Variants in SUZ12 observed in about 807,000 individuals in gnomAD.
SUZ12 encodes the protein polycomb protein SUZ12.
SUZ12 carries 17 observed loss-of-function variants against 87.3 expected under a neutral mutation model. The observed-to-expected ratio is 0.19, with a 90% CI of 0.13 to 0.29. SUZ12 has a LOEUF of 0.29. SUZ12 is among the 10% of genes least tolerant of loss of function. The pLI, the probability that SUZ12 is intolerant of heterozygous loss-of-function variation, is 1.00. For missense variants in SUZ12, 526 were observed against 912.2 expected, an observed-to-expected ratio of 0.58 and a Z score of 5.45; for synonymous variants, 253 against 312.4, an observed-to-expected ratio of 0.81 and a Z score of 2.01.
chr17:31,958,202 CCTTTTGTA>C (rs1390016079), intron 4 of SUZ12, among the ~76,000 whole-genome samples: 2 of 151,696 alleles, frequency 1.3e-5, no homozygotes, highest in East Asian at 3.9e-4. Flanking sequence ...GCGCCCAGCC[CCTTTTGTA>C]CTTTTTGTAG....
intron 10 of SUZ12, among the ~76,000 whole-genome samples, chr17:31,989,765 ATT>A (rs568524946): frequency 6.2e-5 from 8 of 129,816 alleles, no homozygotes; most frequent in Admixed American, 2.3e-4. Flanking sequence ...CGACCAGCTA[ATT>A]TTTTTTTTTT....
chr17:31,997,722 C>T (rs1196078121), intron 15 of SUZ12, among the ~76,000 whole-genome samples: 2 of 149,492 alleles, frequency 1.3e-5, no homozygotes, highest in African/African-American at 5.0e-5. Flanking sequence ...CAGGGAGCAG[C>T]AGAAGGCAAG....
intron 4 of SUZ12, among the ~76,000 whole-genome samples, chr17:31,960,812 C>G (rs1907665056): frequency 6.6e-6 from 1 of 152,138 alleles, no homozygotes; most frequent in Admixed American, 6.5e-5. Flanking sequence ...CTCCTGACCT[C>G]AAGTGATTCC....
At chr17:31,959,227 A>G (rs1213255880) in intron 4 of SUZ12, among the ~76,000 whole-genome samples, 1 of 152,048 alleles carries the variant, frequency 6.6e-6, no homozygotes, top group East Asian at 1.9e-4. Context: ...CTTTTTGCAT[A>G]CTTACTCTTG....
At position 31,978,691 on chromosome 17, in the gene SUZ12, C is replaced by T. The variant is rs1314200107; in HGVS notation, c.917+2077C>T. 1.1e-4 allele frequency among the ~76,000 whole-genome samples: 16 copies of T among 152,096 alleles called. No homozygotes were observed. In the East Asian group the frequency reaches 3.1e-3, roughly 29 times the overall value. On this transcript the variant is annotated intron_variant, in intron 8 of 15. Transcript: ENST00000322652. ...GGCAGCATGGGGTATGTTCTATTTTCTTTTTTAATCACTGTACCTGACACA... is the reference window on the plus strand; with the variant it reads ...GGCAGCATGGGGTATGTTCTATTTTTTTTTTTAATCACTGTACCTGACACA...
intron 6 of SUZ12, among the ~76,000 whole-genome samples, chr17:31,974,805 G>A (rs1908648223): frequency 6.6e-6 from 1 of 152,154 alleles, no homozygotes. Flanking sequence ...AGTAGCTGCT[G>A]TAAGATACTG....
chr17:31,991,492 T>C (rs1909718077), intron 10 of SUZ12, among the ~76,000 whole-genome samples: 2 of 152,068 alleles, frequency 1.3e-5, no homozygotes, highest in South Asian at 4.1e-4. Context: ...TAAGAAAAAG[T>C]TCTATACAAA....
chr17:31,991,196 A>T (rs1159284502), intron 10 of SUZ12, among the ~76,000 whole-genome samples: 5 of 152,142 alleles, frequency 3.3e-5, no homozygotes, highest in African/African-American at 1.2e-4. Flanking sequence ...TGCAGGTGAC[A>T]GTAATGGTCA....
chr17:31,998,708 A>C lies in SUZ12; in HGVS notation c.1925A>C (p.Asn642Thr), dbSNP rs1910110068. 1 of 1,597,396 alleles carries C rather than the reference A, an allele frequency of 6.3e-7. No individual in the cohort carries two copies. Among genetic ancestry groups the C allele is most frequent in the Non-Finnish European group, 8.5e-7 (1 of 1,172,528 alleles). The change falls in exon 16 of 16, where the codon AAT becomes ACT. Residue 642 changes from asparagine (N) to threonine (T), a missense_variant. By Grantham distance (65) the Asn-to-Thr change is moderately conservative. Coordinates refer to ENST00000322652, the MANE Select transcript of SUZ12 (RefSeq NM_015355.4). ...MNHACMLFVE[N>T]YGQKIIKKNL... ...CATGCCTGTATGCTGTTTGTAGAAA[A>C]TTATGGACAGAAAATAATTAAGAAG...
chr17:31,971,460 T>C (rs576099764), intron 5 of SUZ12, among the ~76,000 whole-genome samples: 2 of 140,452 alleles, frequency 1.4e-5, no homozygotes, highest in South Asian at 4.7e-4. Flanking sequence ...GGAGTTTCGC[T>C]CTTGTTGCCC....
At position 31,992,854 on chromosome 17, in the gene SUZ12, G is replaced by A. The variant is rs571300459; in HGVS notation, c.1202-388G>A. On this transcript the variant is annotated intron_variant, in intron 10 of 15. Transcript: ENST00000322652. ...TGAGTAGCTGGGATTGCAGGTGCCC[G>A]CCACCACGCCCTGCTAATTTTTTAT... Among the ~76,000 whole-genome samples the A allele has an allele frequency of 8.5e-5, 13 of 152,056 alleles. No homozygotes were observed. The East Asian group carries it at 2.5e-3, about 30-fold the overall frequency.
intron 6 of SUZ12, among the ~76,000 whole-genome samples, chr17:31,974,342 A>G (rs1386992251): frequency 6.6e-6 from 1 of 152,226 alleles, no homozygotes; most frequent in Non-Finnish European, 1.5e-5. Flanking sequence ...AGTGGCTAAC[A>G]CGGTGAAATC....
intron 8 of SUZ12, among the ~76,000 whole-genome samples, chr17:31,978,188 C>T (rs918913021): frequency 7.9e-5 from 12 of 151,906 alleles, no homozygotes; most frequent in African/African-American, 2.9e-4. Context: ...GGCCATTCCT[C>T]CTATTGTTTA....
chr17:31,982,027 A>G (rs1455347373), intron 8 of SUZ12, among the ~76,000 whole-genome samples: 1 of 152,248 alleles, frequency 6.6e-6, no homozygotes, highest in African/African-American at 2.4e-5. Context: ...TGGTTGAAGA[A>G]TGGTGTTTAG....
intron 9 of SUZ12, among the ~76,000 whole-genome samples, chr17:31,986,414 A>T (rs1474323238): frequency 3.3e-5 from 5 of 152,078 alleles, no homozygotes; most frequent in Non-Finnish European, 5.9e-5. Context: ...ATTTTTTTTA[A>T]TCTTGTCAAA....
rs2142112993 is a variant in SUZ12, at chr17:31,937,426, G to GGCGGCA, written c.186_191dup (p.Ala63_Ala64dup). The GGCGGCA allele has an allele frequency of 6.5e-7, 1 of 1,542,596 alleles. No homozygotes were observed. Among genetic ancestry groups the GGCGGCA allele is most frequent in the African/African-American group, 1.4e-5 (1 of 72,360 alleles). ...ACTCGGCCTCCTCCTCCTCCTCCGCGGCGGCAGCGGCGGGGGCTGCGGTGT... is the reference window on the plus strand; with the variant it reads ...ACTCGGCCTCCTCCTCCTCCTCCGCGGCGGCAGCGGCAGCGGCGGGGGCTGCGGTGT... On this transcript the variant is annotated inframe_insertion, in exon 1 of 16. Transcript: ENST00000322652.
At chr17:31,997,079 A>T (rs756703606) in intron 15 of SUZ12, among the ~76,000 whole-genome samples, 2 of 152,092 alleles carry the variant, frequency 1.3e-5, no homozygotes, top group Admixed American at 1.3e-4. Flanking sequence ...GGTATTATTT[A>T]TAACAATGAA....
chr17:31,973,044 C>T (rs2470245), intron 5 of SUZ12, 102 bp from the exon 6 acceptor site: 7 of 1,118,556 alleles, frequency 6.3e-6, no homozygotes, highest in African/African-American at 3.3e-5. Context: ...AGAAGTCTTA[C>T]TGTGGGAAAT....
intron 3 of SUZ12, among the ~76,000 whole-genome samples, chr17:31,946,142 A>G (rs1278476731): frequency 6.6e-6 from 1 of 152,204 alleles, no homozygotes; most frequent in East Asian, 1.9e-4. Flanking sequence ...TTCACTTGAA[A>G]TATAGATTGT....
Sources: allele counts gnomAD v4.1 joint callset (sites outside exome capture counted in the v4.1 genomes callset), GRCh38; gene constraint gnomAD v4.1.1; transcripts MANE v1.5; gene names NCBI Gene and HGNC (gene_info 2026-07-23, HGNC 2026-07-21).